FREM1: variants seen among roughly 807,000 people sequenced by gnomAD.
FREM1 encodes the protein FRAS1-related extracellular matrix protein 1.
A neutral mutation model predicts 210.1 loss-of-function variants in FREM1; 220 were observed. That is an observed-to-expected ratio of 1.05 (90% CI 0.94 to 1.17). FREM1 has a LOEUF of 1.17. Ranked by LOEUF, FREM1 falls within the 50% of genes most tolerant of loss-of-function variation. The pLI is 0.00. For synonymous variants in FREM1, 1,189 were observed against 980.2 expected, an observed-to-expected ratio of 1.21 and a Z score of -3.98; for missense variants, 3,454 against 2,675.5, an observed-to-expected ratio of 1.29 and a Z score of -6.42.
intron 10 of FREM1, among the ~76,000 whole-genome samples, chr9:14,829,715 A>C (rs1188764256): frequency 6.6e-6 from 1 of 152,182 alleles, no homozygotes; most frequent in African/African-American, 2.4e-5. Context: ...TATTGTTTAT[A>C]AATTACCCAG....
rs752695026 is a variant in FREM1, at chr9:14,863,818, C to A, written c.320G>T (p.Arg107Ile). The A allele has an allele frequency of 6.2e-7, 1 of 1,608,942 alleles. No individual in the cohort carries two copies. Among genetic ancestry groups the A allele is most frequent in the East Asian group, 2.2e-5 (1 of 44,858 alleles). Residue 107 changes from arginine to isoleucine, a missense_variant, in exon 3 of 37, where the codon AGA becomes ATA. Arg to Ile is a moderately conservative substitution (Grantham distance 97). Transcript: ENST00000380880. ...PILDEDTVKL[R>I]LYRFTERDTF... ...TTCCCGTGCCGCTTACCTGTAAAGT[C>A]TGAGCTTCACTGTGTCTTCATCAAG... is the stretch of plus-strand genomic sequence containing the variant.
Position 14,842,321 on chromosome 9 carries a change from A to T in FREM1, c.1733T>A (p.Leu578Gln), listed in dbSNP as rs1188848805. Reference protein sequence around the residue: ...GEIMKKPGPGLIGYPVHGFLQ... With the variant: ...GEIMKKPGPGQIGYPVHGFLQ... ...CTTAACTGCCCAGAACTTACCTATCAGTCCTGGCCCTGGCTTCTTCATGAT... is the reference window on the plus strand; with the variant it reads ...CTTAACTGCCCAGAACTTACCTATCTGTCCTGGCCCTGGCTTCTTCATGAT... The change falls in exon 9 of 37, where the codon CTG becomes CAG. Residue 578 changes from leucine (L) to glutamine (Q), a missense_variant. Physicochemically the swap from Leu to Gln is moderately radical, Grantham distance 113. Coordinates refer to ENST00000380880, the MANE Select transcript of FREM1 (RefSeq NM_001379081.2). 3 of 1,559,852 alleles carry T rather than the reference A, an allele frequency of 1.9e-6. No homozygotes were observed. The highest frequency in any genetic ancestry group is 2.3e-5 in the East Asian group (1 of 44,384).
intron 2 of FREM1, among the ~76,000 whole-genome samples, chr9:14,867,767 G>A (rs1831821372): frequency 1.3e-5 from 2 of 152,210 alleles, no homozygotes; most frequent in Non-Finnish European, 2.9e-5. Context: ...AGAAGCAGCA[G>A]CAGCATCTAG....
chr9:14,773,926 A>G (rs1848060411), intron 25 of FREM1: 1 of 375,784 alleles, frequency 2.7e-6, no homozygotes, highest in Non-Finnish European at 5.1e-6. Context: ...TGGACAGTAC[A>G]GAGACTGGTA....
chr9:14,817,901 A>G (rs754607990), intron 14 of FREM1, among the ~76,000 whole-genome samples: 25 of 152,152 alleles, frequency 1.6e-4, no homozygotes, highest in Non-Finnish European at 3.2e-4. Context: ...TTGGTGAGTG[A>G]TAATTCTTTT....
chr9:14,883,801 G>A (rs537802953), intron 1 of FREM1, among the ~76,000 whole-genome samples: 1 of 152,212 alleles, frequency 6.6e-6, no homozygotes, highest in Non-Finnish European at 1.5e-5. Context: ...CAGAGCCTCA[G>A]AATCCATCTG....
intron 36 of FREM1, among the ~76,000 whole-genome samples, chr9:14,739,143 G>A (rs1232336581): frequency 6.6e-6 from 1 of 150,978 alleles, no homozygotes; most frequent in East Asian, 1.9e-4. Flanking sequence ...TTGCTCTGTT[G>A]CCTAGGCTGG....
chr9:14,793,439 T>C (rs1191515216), intron 21 of FREM1, among the ~76,000 whole-genome samples: 3 of 152,228 alleles, frequency 2.0e-5, no homozygotes, highest in Non-Finnish European at 2.9e-5. Flanking sequence ...AGATTCATCT[T>C]TTCCCAGTGT....
intron 20 of FREM1, among the ~76,000 whole-genome samples, chr9:14,800,683 A>G (rs1269992338): frequency 6.6e-6 from 1 of 152,198 alleles, no homozygotes; most frequent in Non-Finnish European, 1.5e-5. Context: ...AAACTCAAAT[A>G]TCATTTTTAA....
At chr9:14,767,032 T>C (rs1263722317) in intron 27 of FREM1, among the ~76,000 whole-genome samples, 1 of 152,234 alleles carries the variant, frequency 6.6e-6, no homozygotes, top group Non-Finnish European at 1.5e-5. Context: ...TGCTTTCATA[T>C]ACGTTACACA....
At chr9:14,864,756 G>C (rs1831206499) in intron 2 of FREM1, among the ~76,000 whole-genome samples, 6 of 152,164 alleles carry the variant, frequency 3.9e-5, no homozygotes, top group Admixed American at 3.9e-4. Context: ...TGTGTTCGTG[G>C]TGTTTCGTCT....
intron 27 of FREM1, among the ~76,000 whole-genome samples, chr9:14,767,419 GA>G (rs1194237535): frequency 6.6e-6 from 1 of 152,100 alleles, no homozygotes; most frequent in African/African-American, 2.4e-5. Context: ...AGTGTGCTGA[GA>G]AAAATCATGC....
chr9:14,755,029 G>A (rs1247312514), intron 29 of FREM1, among the ~76,000 whole-genome samples: 1 of 152,204 alleles, frequency 6.6e-6, no homozygotes, highest in Non-Finnish European at 1.5e-5. Flanking sequence ...TGAGGCAGCA[G>A]ACACTAAGAA....
chr9:14,851,410 C>G lies in FREM1; in HGVS notation c.1026G>C (p.Gln342His). ...LVFNITKAPL[Q>H]GYVTHLLDHT... ...GATCCAACAGGTGAGTCACATAGCC[C>G]TGGAGCGGGGCTTTAGTAATGTTGA... Residue 342 changes from glutamine to histidine, a missense_variant, in exon 6 of 37, where the codon CAG becomes CAC. Coordinates refer to ENST00000380880, the MANE Select transcript of FREM1 (RefSeq NM_001379081.2). 1 of 1,613,892 alleles carries G rather than the reference C, an allele frequency of 6.2e-7. No homozygotes were observed. The highest frequency in any genetic ancestry group is 8.5e-7 in the Non-Finnish European group (1 of 1,179,858).
intron 22 of FREM1, among the ~76,000 whole-genome samples, chr9:14,790,424 G>C (rs1851104780): frequency 6.6e-6 from 1 of 152,110 alleles, no homozygotes; most frequent in South Asian, 2.1e-4. Context: ...GTTTCCATAA[G>C]ACCTATTTGC....
chr9:14,893,655 CTTAA>C (rs138152208), intron 1 of FREM1, among the ~76,000 whole-genome samples: 5,094 of 152,240 alleles, frequency 0.033, 301 homozygotes, highest in African/African-American at 0.11. Context: ...GTTTGTGTGA[CTTAA>C]TTAATCTTTG....
At chr9:14,792,367 A>T (rs756086951) in intron 22 of FREM1, among the ~76,000 whole-genome samples, 6 of 151,900 alleles carry the variant, frequency 3.9e-5, no homozygotes, top group Admixed American at 1.3e-4. Flanking sequence ...TATAATTGAG[A>T]TGATGGATGC....
At chr9:14,749,936 C>A (rs753412673) in intron 30 of FREM1, among the ~76,000 whole-genome samples, 191 bp downstream of exon 30, 1 of 152,140 alleles carries the variant, frequency 6.6e-6, no homozygotes, top group African/African-American at 2.4e-5. Flanking sequence ...CTCAAGTGAT[C>A]GTACTTAGCA....
At chr9:14,811,849 T>C (rs532269448) in intron 16 of FREM1, among the ~76,000 whole-genome samples, 19 of 152,146 alleles carry the variant, frequency 1.2e-4, no homozygotes, top group Non-Finnish European at 2.6e-4. Flanking sequence ...TCTTATTTCC[T>C]ATACCACTCA....
Sources: allele counts gnomAD v4.1 joint callset (sites outside exome capture counted in the v4.1 genomes callset), GRCh38; gene constraint gnomAD v4.1.1; transcripts MANE v1.5; gene names NCBI Gene and HGNC (gene_info 2026-07-23, HGNC 2026-07-21).